KCNB2: variants seen among roughly 807,000 people sequenced by gnomAD.
KCNB2 encodes delayed rectifier potassium channel protein.
In KCNB2, 15 loss-of-function variants were observed where a neutral mutation model predicts 61.5. That is an observed-to-expected ratio of 0.24 (90% CI 0.16 to 0.38). The LOEUF (loss-of-function observed/expected upper bound fraction) is 0.38, where lower values mean the gene tolerates loss of function less well. Among genes scored for constraint, KCNB2 ranks in the 10% least tolerant of loss-of-function variants. KCNB2 has a pLI of 1.00. For missense variants in KCNB2, 828 were observed against 1,125.2 expected (o/e 0.74, Z 3.78); for synonymous variants, 457 against 446.0 (o/e 1.02, Z -0.31).
At position 72,561,768 on chromosome 8, in the gene KCNB2, T is replaced by C. The variant is rs1346428901; in HGVS notation, c.-93-5874T>C. Among the ~76,000 whole-genome samples the C allele has an allele frequency of 1.4e-3, 46 of 31,780 alleles. 3 individuals are homozygous for C. Among genetic ancestry groups the C allele is most frequent in the African/African-American group, 6.6e-3 (39 of 5,934 alleles). 20.8% of individuals were successfully genotyped at this position (31,780 alleles called of 152,430 possible). On this transcript the variant is annotated intron_variant, in intron 1 of 2. Transcript: ENST00000523207. ...ATATGTATATATATATATGGATATA[T>C]ATATATATGGATATATATATACATA...
intron 2 of KCNB2, among the ~76,000 whole-genome samples, chr8:72,620,252 CA>C (rs1805694976): frequency 6.6e-6 from 1 of 152,130 alleles, no homozygotes; most frequent in Non-Finnish European, 1.5e-5. Flanking sequence ...GACAGAAATC[CA>C]ACAGGCAGTT....
At chr8:72,734,995 C>T (rs1256876285) in intron 2 of KCNB2, among the ~76,000 whole-genome samples, 2 of 152,152 alleles carry the variant, frequency 1.3e-5, no homozygotes, top group East Asian at 3.8e-4. Flanking sequence ...GTGGCTTCCA[C>T]TCAAAGGACA....
chr8:72,930,946 C>A (rs1806769239), intron 2 of KCNB2, among the ~76,000 whole-genome samples: 1 of 152,196 alleles, frequency 6.6e-6, no homozygotes, highest in African/African-American at 2.4e-5. Context: ...ACATTTAAGT[C>A]TTTAATCCAT....
chr8:72,612,300 T>C (rs550697918), intron 2 of KCNB2, among the ~76,000 whole-genome samples: 2 of 152,304 alleles, frequency 1.3e-5, no homozygotes, highest in African/African-American at 4.8e-5. Context: ...AGAGTGACAT[T>C]TAACCTGTCC....
intron 1 of KCNB2, among the ~76,000 whole-genome samples, chr8:72,541,320 A>C (rs1467134365): frequency 2.6e-5 from 4 of 152,112 alleles, no homozygotes; most frequent in Non-Finnish European, 5.9e-5. Context: ...TGTTTTAAGC[A>C]TTTTACAAAT....
At chr8:72,682,722 T>C (rs1342915222) in intron 2 of KCNB2, among the ~76,000 whole-genome samples, 3 of 152,056 alleles carry the variant, frequency 2.0e-5, no homozygotes, top group Non-Finnish European at 4.4e-5. Context: ...GCCTTCTGAG[T>C]AGTTGAGACT....
chr8:72,913,186 C>T (rs1247768183), intron 2 of KCNB2, among the ~76,000 whole-genome samples: 1 of 152,050 alleles, frequency 6.6e-6, no homozygotes. Context: ...TTTTATGTAA[C>T]ATCAATATTT....
intron 2 of KCNB2, among the ~76,000 whole-genome samples, chr8:72,842,460 G>A (rs532063642): frequency 7.9e-5 from 12 of 152,304 alleles, no homozygotes; most frequent in African/African-American, 2.6e-4. Context: ...AAATGAGTTA[G>A]GGAGGATTCC....
intron 2 of KCNB2, among the ~76,000 whole-genome samples, chr8:72,807,469 T>C (rs1358996233): frequency 6.6e-6 from 1 of 152,212 alleles, no homozygotes; most frequent in East Asian, 1.9e-4. Flanking sequence ...AAAGCACCAT[T>C]CACCCTAAGT....
chr8:72,698,396 A>G (rs754400197), intron 2 of KCNB2, among the ~76,000 whole-genome samples: 1 of 152,172 alleles, frequency 6.6e-6, no homozygotes, highest in Non-Finnish European at 1.5e-5. Flanking sequence ...TTCTACATTC[A>G]TGGGGTAGAA....
intron 2 of KCNB2, among the ~76,000 whole-genome samples, chr8:72,911,792 T>C (rs1806300248): frequency 1.3e-5 from 2 of 152,240 alleles, no homozygotes. Flanking sequence ...CTAGTAGCTA[T>C]GGACAATTTA....
chr8:72,716,808 G>T (rs1279423147), intron 2 of KCNB2, among the ~76,000 whole-genome samples: 1 of 140,116 alleles, frequency 7.1e-6, no homozygotes, highest in Non-Finnish European at 1.6e-5. Context: ...GGAAGTTCTG[G>T]CCAGGGCAAT....
intron 1 of KCNB2, among the ~76,000 whole-genome samples, chr8:72,551,498 A>G (rs1467523087): frequency 6.6e-6 from 1 of 152,088 alleles, no homozygotes; most frequent in Non-Finnish European, 1.5e-5. Context: ...GTTCATCTGA[A>G]GTGCCCTGGG....
chr8:72,846,128 G>A (rs972752656), intron 2 of KCNB2, among the ~76,000 whole-genome samples: 8 of 152,194 alleles, frequency 5.3e-5, no homozygotes, highest in Admixed American at 1.3e-4. Context: ...CGTGGGAAAA[G>A]CGTAGTATCT....
At chr8:72,776,706 C>T (rs572824928) in intron 2 of KCNB2, among the ~76,000 whole-genome samples, 4 of 152,134 alleles carry the variant, frequency 2.6e-5, no homozygotes, top group Non-Finnish European at 4.4e-5. Context: ...TGTAGGGTGA[C>T]GGTTATGACA....
intron 2 of KCNB2, among the ~76,000 whole-genome samples, chr8:72,801,587 A>G (rs1463669183): frequency 3.3e-5 from 5 of 152,216 alleles, no homozygotes; most frequent in Non-Finnish European, 5.9e-5. Flanking sequence ...GGATAAATGA[A>G]AATGAATGAC....
intron 2 of KCNB2, among the ~76,000 whole-genome samples, chr8:72,615,897 G>T (rs1805612607): frequency 6.6e-6 from 1 of 152,188 alleles, no homozygotes; most frequent in Admixed American, 6.5e-5. Context: ...ATCATAACTT[G>T]CTTTGATAAG....
chr8:72,932,615 G>A (rs574980404), intron 2 of KCNB2, among the ~76,000 whole-genome samples: 1 of 152,186 alleles, frequency 6.6e-6, no homozygotes, highest in Admixed American at 6.5e-5. Flanking sequence ...AACTCTTGGT[G>A]GGCTTTTGTT....
At chr8:72,762,641 A>G (rs1808399675) in intron 2 of KCNB2, among the ~76,000 whole-genome samples, 1 of 152,208 alleles carries the variant, frequency 6.6e-6, no homozygotes, top group South Asian at 2.1e-4. Flanking sequence ...TACATTATTC[A>G]TATCCATTCA....
Sources: gnomAD v4.1 joint callset for allele counts (sites outside exome capture counted in the v4.1 genomes callset) on GRCh38, gnomAD v4.1.1 for gene constraint, MANE v1.5 for transcripts, NCBI Gene and HGNC (gene_info 2026-07-23, HGNC 2026-07-21) for gene names.